Variants in LARGE1 observed in about 807,000 individuals in gnomAD.
LARGE1 encodes LARGE xylosyl- and glucuronyltransferase 1.
Under a neutral mutation model 87.6 loss-of-function variants are expected in LARGE1, and 43 were observed. The ratio of observed to expected loss-of-function variants is 0.49; its 90% CI spans 0.38 to 0.63. LARGE1 has a LOEUF of 0.63. Ranked by LOEUF, LARGE1 falls within the 30% of genes least tolerant of loss-of-function variation. LARGE1 has a pLI of 0.00. For missense variants in LARGE1, 802 were observed against 1,000.2 expected, an observed-to-expected ratio of 0.80 and a Z score of 2.67; for synonymous variants, 434 against 394.6, an observed-to-expected ratio of 1.10 and a Z score of -1.18.
chr22:33,367,120 CT>C (rs1435080613), intron 9 of LARGE1, among the ~76,000 whole-genome samples: 2 of 144,552 alleles, frequency 1.4e-5, no homozygotes, highest in East Asian at 3.9e-4. Flanking sequence ...TCACAGTATT[CT>C]ATTTTTTTTT....
At chr22:33,307,171 T>C (rs1935025494) in intron 11 of LARGE1, among the ~76,000 whole-genome samples, 1 of 152,240 alleles carries the variant, frequency 6.6e-6, no homozygotes, top group Non-Finnish European at 1.5e-5. Flanking sequence ...CCCCTTTACC[T>C]GCTGCTTGTC....
At chr22:33,094,104 G>T in the LARGE1 span, among the ~76,000 whole-genome samples, 1 of 151,972 alleles carries the variant, frequency 6.6e-6, no homozygotes, top group African/African-American at 2.4e-5. Context: ...TACTCAGCTT[G>T]CATTGAGCAT....
rs144076486 is a variant in LARGE1, at chr22:33,915,042, C to CACACACACACAGAG, written c.-83+4952_-83+4953insCTCTGTGTGTGTGT. ...ACACACACACACACACACACACACA[C>CACACACACACAGAG]AGAGAGAGAGAGAGAGAGAGAGGCT... On this transcript the variant is annotated intron_variant, in intron 1 of 14. Transcript: ENST00000397394. Among the ~76,000 whole-genome samples the CACACACACACAGAG allele has an allele frequency of 2.5e-3, 343 of 137,096 alleles. 1 individual carries two copies. Among genetic ancestry groups the CACACACACACAGAG allele is most frequent in the South Asian group, 6.5e-3 (27 of 4,170 alleles). 89.9% of individuals were successfully genotyped at this position (137,096 alleles called of 152,430 possible).
chr22:33,832,425 C>T (rs939263832), intron 1 of LARGE1, among the ~76,000 whole-genome samples: 2 of 152,124 alleles, frequency 1.3e-5, no homozygotes, highest in Non-Finnish European at 2.9e-5. Flanking sequence ...CTGGAGGGCC[C>T]ATGGGACAAA....
intron 11 of LARGE1, among the ~76,000 whole-genome samples, chr22:33,186,255 A>T (rs1170206144): frequency 3.3e-5 from 5 of 152,218 alleles, no homozygotes; most frequent in African/African-American, 1.2e-4. Context: ...TCAGGAATAT[A>T]GATGCAAAAA....
At chr22:33,118,987 G>T in the LARGE1 span, among the ~76,000 whole-genome samples, 2 of 152,216 alleles carry the variant, frequency 1.3e-5, no homozygotes, top group Admixed American at 6.5e-5. Context: ...CAAACAGGAG[G>T]TCTAAAGTTA....
chr22:33,588,795 G>GCAAC (rs2078753528), intron 5 of LARGE1, among the ~76,000 whole-genome samples: 1 of 152,110 alleles, frequency 6.6e-6, no homozygotes, highest in Non-Finnish European at 1.5e-5. Flanking sequence ...TTAGTATAAA[G>GCAAC]GTGATTTAGA....
chr22:33,663,324 CG>C (rs1315538674), intron 2 of LARGE1, among the ~76,000 whole-genome samples: 2 of 152,070 alleles, frequency 1.3e-5, no homozygotes, highest in Non-Finnish European at 2.9e-5. Context: ...TTTTGACGGA[CG>C]GGTATTTTCT....
At chr22:33,550,810 A>G (rs1246381425) in intron 6 of LARGE1, among the ~76,000 whole-genome samples, 2 of 152,240 alleles carry the variant, frequency 1.3e-5, no homozygotes, top group African/African-American at 2.4e-5. Flanking sequence ...CCATCAATGG[A>G]TAATGCAAAT....
At chr22:33,651,578 T>C (rs78311507) in intron 2 of LARGE1, among the ~76,000 whole-genome samples, 2,724 of 152,190 alleles carry the variant, frequency 0.018, 77 homozygotes, top group African/African-American at 0.062. Context: ...TGTAGCGCTA[T>C]GAAAACATGT....
intron 5 of LARGE1, among the ~76,000 whole-genome samples, chr22:33,597,839 C>T (rs565880244): frequency 6.6e-6 from 1 of 152,104 alleles, no homozygotes; most frequent in Non-Finnish European, 1.5e-5. Context: ...CATGTAGGGC[C>T]TTGTCTGAAA....
chr22:33,206,007 T>A (rs1031617201), intron 11 of LARGE1, among the ~76,000 whole-genome samples: 2 of 144,570 alleles, frequency 1.4e-5, no homozygotes, highest in African/African-American at 5.3e-5. Flanking sequence ...CAGGCTGGAG[T>A]GCAGTGGCGC....
chr22:33,678,172 T>C (rs572272447), intron 2 of LARGE1, among the ~76,000 whole-genome samples: 7 of 152,370 alleles, frequency 4.6e-5, no homozygotes, highest in African/African-American at 1.7e-4. Context: ...GACAGTCATA[T>C]AGATGAGAAA....
the LARGE1 span, among the ~76,000 whole-genome samples, chr22:33,077,536 C>G: frequency 6.6e-6 from 1 of 152,152 alleles, no homozygotes; most frequent in African/African-American, 2.4e-5. Flanking sequence ...TATAAGTGAT[C>G]AAGTCTTTCT....
At chr22:33,726,859 C>T (rs2083285963) in intron 2 of LARGE1, among the ~76,000 whole-genome samples, 1 of 152,070 alleles carries the variant, frequency 6.6e-6, no homozygotes, top group African/African-American at 2.4e-5. Flanking sequence ...TCATGCCTCC[C>T]AGTCAGTGTC....
At chr22:33,341,837 GC>G (rs1266511817) in intron 9 of LARGE1, among the ~76,000 whole-genome samples, 1 of 152,174 alleles carries the variant, frequency 6.6e-6, no homozygotes, top group Non-Finnish European at 1.5e-5. Context: ...CAAATGCCTA[GC>G]TCAGTGCTTC....
intron 1 of LARGE1, among the ~76,000 whole-genome samples, chr22:33,826,609 G>C (rs966581354): frequency 2.6e-5 from 4 of 152,036 alleles, no homozygotes; most frequent in African/African-American, 7.2e-5. Context: ...CCCAAATGCT[G>C]AGATTACAGG....
At chr22:33,561,490 C>G (rs74956572) in intron 6 of LARGE1, among the ~76,000 whole-genome samples, 1,559 of 152,270 alleles carry the variant, frequency 0.01, 12 homozygotes, top group Non-Finnish European at 0.014. Flanking sequence ...CATACCATAC[C>G]CATGTCCAGC....
the LARGE1 span, among the ~76,000 whole-genome samples, chr22:33,079,072 C>T: frequency 6.6e-6 from 1 of 152,136 alleles, no homozygotes; most frequent in African/African-American, 2.4e-5. Flanking sequence ...TCCTTAGCTT[C>T]TTGTGCCTCA....
Sources: gnomAD v4.1 joint callset for allele counts (sites outside exome capture counted in the v4.1 genomes callset) on GRCh38, gnomAD v4.1.1 for gene constraint, MANE v1.5 for transcripts, NCBI Gene and HGNC (gene_info 2026-07-23, HGNC 2026-07-21) for gene names.